The following THSD4 variants were observed in gnomAD, a reference collection of about 807,000 sequenced individuals.
The protein encoded by THSD4 is thrombospondin type-1 domain-containing protein 4.
A neutral mutation model predicts 119.0 loss-of-function variants in THSD4; 69 were observed. The observed-to-expected ratio is 0.58, with a 90% CI of 0.48 to 0.71. The LOEUF (loss-of-function observed/expected upper bound fraction) is 0.71. Among genes scored for constraint, THSD4 ranks in the 30% least tolerant of loss-of-function variants. The pLI is 0.00. For synonymous variants in THSD4, 524 were observed against 540.4 expected (o/e 0.97, Z 0.42); for missense variants, 1,393 against 1,391.1 (o/e 1.00, Z -0.02).
At position 71,179,997 on chromosome 15, in the gene THSD4, T is replaced by C. The variant is rs1211777266; in HGVS notation, c.99+25065T>C. Among the ~76,000 whole-genome samples the C allele has an allele frequency of 1.7e-4, 14 of 84,386 alleles. No individual in the cohort carries two copies. The Admixed American group carries it at 1.8e-3, about 11-fold the overall frequency. The allele number at this position is 84,386 out of a possible 152,430, so 55.4% of individuals were successfully genotyped here. On this transcript the variant is annotated intron_variant, in intron 3 of 17. Coordinates refer to ENST00000261862, the MANE Select transcript of THSD4 (RefSeq NM_024817.3). ...TCACACTCTGGGGACTGTGGTGGGG[T>C]CGGGGGAGGGGGGAGGGATAGCATT...
intron 7 of THSD4, among the ~76,000 whole-genome samples, chr15:71,643,767 G>T (rs2050911807): frequency 6.6e-6 from 1 of 152,130 alleles, no homozygotes; most frequent in Non-Finnish European, 1.5e-5. Flanking sequence ...AAAATGATTT[G>T]GATGCCTTAG....
intron 8 of THSD4, among the ~76,000 whole-genome samples, chr15:71,677,661 C>T (rs1048361790): frequency 4.6e-5 from 7 of 152,174 alleles, no homozygotes; most frequent in Non-Finnish European, 7.4e-5. Flanking sequence ...CTCTGCCCCA[C>T]CCCCTTCTGC....
intron 1 of THSD4, among the ~76,000 whole-genome samples, chr15:71,120,619 C>T (rs544161631): frequency 1.6e-4 from 24 of 152,374 alleles, no homozygotes; most frequent in African/African-American, 5.3e-4. Flanking sequence ...GCCTGGCCAG[C>T]AGTGAGGACA....
intron 16 of THSD4, among the ~76,000 whole-genome samples, chr15:71,769,928 TAA>T (rs1181348692): frequency 9.0e-5 from 4 of 44,290 alleles, no homozygotes; most frequent in East Asian, 3.6e-4. Flanking sequence ...AAAATAAATT[TAA>T]AAAAAAAAAA....
chr15:71,598,077 G>A (rs1339344649), intron 7 of THSD4, among the ~76,000 whole-genome samples: 1 of 152,078 alleles, frequency 6.6e-6, no homozygotes, highest in Non-Finnish European at 1.5e-5. Flanking sequence ...TGCAGGCTAA[G>A]CTGAGCAAAG....
At position 71,777,238 on chromosome 15, in the gene THSD4, A is replaced by G. The variant is rs1279422324; in HGVS notation, c.2921A>G (p.Asn974Ser). 1 of 1,614,052 alleles carries G rather than the reference A, an allele frequency of 6.2e-7. No homozygotes were observed. Among genetic ancestry groups the G allele is most frequent in the East Asian group, 2.2e-5 (1 of 44,886 alleles). Residue 974 changes from asparagine (N) to serine (S), a missense_variant, in exon 18 of 18, where the codon AAC (asparagine) becomes AGC (serine). Transcript: ENST00000261862. The part of the protein sequence containing the change: ...PQDCVPEVDE[N>S]CKDKYYNCNV... ...TCATTCTCTTTCGCTACAGATGAAA[A>G]CTGCAAGGACAAGTACTACAACTGC...
chr15:71,286,726 A>G (rs1335254271), intron 6 of THSD4, among the ~76,000 whole-genome samples: 2 of 152,206 alleles, frequency 1.3e-5, no homozygotes, highest in African/African-American at 4.8e-5. Context: ...AGGAATTGCC[A>G]CACTGTCTTC....
chr15:71,691,035 A>G (rs1358821236), intron 8 of THSD4, among the ~76,000 whole-genome samples: 1 of 152,212 alleles, frequency 6.6e-6, no homozygotes, highest in Non-Finnish European at 1.5e-5. Context: ...TGTAACCACA[A>G]GGGTCCTTCT....
At chr15:71,390,592 C>A (rs1234739317) in intron 6 of THSD4, among the ~76,000 whole-genome samples, 1 of 152,060 alleles carries the variant, frequency 6.6e-6, no homozygotes, top group African/African-American at 2.4e-5. Context: ...CAGTAACAGG[C>A]CTTGAATGTC....
chr15:71,145,533 G>T (rs1395097020), intron 2 of THSD4, among the ~76,000 whole-genome samples: 1 of 151,960 alleles, frequency 6.6e-6, no homozygotes. Flanking sequence ...ATGCCTGTCA[G>T]CTACTGCACT....
chr15:71,659,264 C>T (rs973514782), intron 7 of THSD4, among the ~76,000 whole-genome samples: 16 of 152,188 alleles, frequency 1.1e-4, no homozygotes, highest in African/African-American at 3.9e-4. Flanking sequence ...TACCCACTTC[C>T]ATCTGCTCAT....
At chr15:71,705,458 G>A (rs2052376085) in intron 8 of THSD4, among the ~76,000 whole-genome samples, 1 of 152,150 alleles carries the variant, frequency 6.6e-6, no homozygotes, top group African/African-American at 2.4e-5. Flanking sequence ...CTAACCCCGA[G>A]CAGCTTATCC....
intron 8 of THSD4, among the ~76,000 whole-genome samples, chr15:71,689,726 T>A (rs552446504): frequency 6.6e-6 from 1 of 152,064 alleles, no homozygotes; most frequent in South Asian, 2.1e-4. Context: ...ATCACCCTCA[T>A]TGAGATCATG....
chr15:71,443,994 C>T (rs1250735939), intron 7 of THSD4, among the ~76,000 whole-genome samples: 1 of 152,194 alleles, frequency 6.6e-6, no homozygotes, highest in Non-Finnish European at 1.5e-5. Context: ...TCATGGTTAT[C>T]CAAGGCTGAG....
intron 7 of THSD4, among the ~76,000 whole-genome samples, chr15:71,651,647 CT>C (rs35956806): frequency 0.38 from 55,890 of 148,688 alleles, 11,124 homozygotes; most frequent in East Asian, 0.9. Flanking sequence ...TTTCACCCAC[CT>C]TTTTTTTTTT....
At chr15:71,482,648 C>T (rs1451011249) in intron 7 of THSD4, among the ~76,000 whole-genome samples, 27 of 151,146 alleles carry the variant, frequency 1.8e-4, no homozygotes, top group Admixed American at 1.5e-3. Flanking sequence ...TACAGTGACT[C>T]GATCTTGGCT....
Position 71,193,865 on chromosome 15 carries a change from C to T in THSD4, c.100-21170C>T, listed in dbSNP as rs552721447. On this transcript the variant is annotated intron_variant, in intron 3 of 17. Transcript: ENST00000261862. Reference sequence around the variant, plus strand: ...CCCTGGGACTACAGGCGCCCGCCGCCACGCCCAGCTAATTTTTTTGTATTT... The same window carrying T: ...CCCTGGGACTACAGGCGCCCGCCGCTACGCCCAGCTAATTTTTTTGTATTT... 2.1e-3 allele frequency among the ~76,000 whole-genome samples: 325 copies of T among 152,282 alleles called. 2 individuals carry two copies. Among genetic ancestry groups the T allele is most frequent in the African/African-American group, 5.5e-3 (227 of 41,568 alleles).
At chr15:71,517,451 T>TG (rs1298458886) in intron 7 of THSD4, among the ~76,000 whole-genome samples, 4 of 152,240 alleles carry the variant, frequency 2.6e-5, no homozygotes, top group Non-Finnish European at 4.4e-5. Context: ...CTGCCTATTT[T>TG]ACCTTCCCAA....
chr15:71,600,325 A>G (rs1207519781), intron 7 of THSD4, among the ~76,000 whole-genome samples: 2 of 152,180 alleles, frequency 1.3e-5, no homozygotes, highest in Non-Finnish European at 2.9e-5. Flanking sequence ...GATTTCTGCT[A>G]TACTCCCCTT....
Sources: allele counts gnomAD v4.1 joint callset (sites outside exome capture counted in the v4.1 genomes callset), GRCh38; gene constraint gnomAD v4.1.1; transcripts MANE v1.5; gene names NCBI Gene and HGNC (gene_info 2026-07-23, HGNC 2026-07-21).